OPA3: variants seen among roughly 807,000 people sequenced by gnomAD.
The protein encoded by OPA3 is outer mitochondrial membrane lipid metabolism regulator OPA3.
A neutral mutation model predicts 4.0 loss-of-function variants in OPA3; 6 were observed. The observed-to-expected ratio is 1.51, with a 90% CI of 0.83 to 2.99. The LOEUF is 2.99. Among genes scored for constraint, OPA3 ranks in the 30% most tolerant of loss-of-function variants. The pLI, the probability that OPA3 is intolerant of heterozygous loss-of-function variation, is 0.00. For missense variants in OPA3, 235 were observed against 256.2 expected (o/e 0.92, Z 0.56); for synonymous variants, 105 against 117.1 (o/e 0.90, Z 0.67).
At chr19:45,567,505 G>T (rs976011314) in intron 1 of OPA3, among the ~76,000 whole-genome samples, 4 of 152,036 alleles carry the variant, frequency 2.6e-5, no homozygotes, top group Non-Finnish European at 5.9e-5. Context: ...AAGGAGAGAA[G>T]TCAGATAAGG....
chr19:45,531,408 T>C (rs780708562), intron 1 of OPA3, among the ~76,000 whole-genome samples: 18 of 152,152 alleles, frequency 1.2e-4, no homozygotes, highest in Non-Finnish European at 2.4e-4. Flanking sequence ...CCACAAAAAT[T>C]TACCATGGGA....
downstream of OPA3, among the ~76,000 whole-genome samples, chr19:45,542,105 G>A (rs566396932): frequency 8.5e-5 from 13 of 152,222 alleles, no homozygotes; most frequent in East Asian, 7.7e-4. Flanking sequence ...TCAGGGCACC[G>A]AGTTCTAGGA....
chr19:45,560,850 G>A (rs775225680), intron 1 of OPA3, among the ~76,000 whole-genome samples: 2 of 152,122 alleles, frequency 1.3e-5, no homozygotes, highest in African/African-American at 4.8e-5. Context: ...AGATTTCCCC[G>A]GGAAAGGAGG....
intron 1 of OPA3, among the ~76,000 whole-genome samples, chr19:45,572,418 C>T (rs1490434013): frequency 4.3e-5 from 5 of 115,520 alleles, no homozygotes; most frequent in Admixed American, 2.0e-4. Flanking sequence ...CGATATATAT[C>T]GATATATATC....
At position 45,548,661 on chromosome 19, in the gene OPA3, ATT is replaced by A. The variant is rs144752998; in HGVS notation, c.*4851_*4852del. The A allele has an allele frequency of 8.0e-3, 6,646 of 831,216 alleles. 1 individual carries two copies. Among genetic ancestry groups the A allele is most frequent in the South Asian group, 0.013 (236 of 17,964 alleles). 51.5% of individuals were successfully genotyped at this position (831,216 alleles called of 1,614,324 possible). Reference sequence around the variant, plus strand: ...GTGAGTTTTGTGTTTTATTTTTTTTATTTTTTTTTTTTTTGCGGGAGACGCCC... The same window carrying A: ...GTGAGTTTTGTGTTTTATTTTTTTTATTTTTTTTTTTTGCGGGAGACGCCC... On this transcript the variant is annotated 3_prime_UTR_variant, in exon 2 of 2. Coordinates refer to ENST00000263275, the MANE Select transcript of OPA3 (RefSeq NM_025136.4).
chr19:45,541,398 TACAG>T (rs1276187199), downstream of OPA3, among the ~76,000 whole-genome samples: 3 of 152,086 alleles, frequency 2.0e-5, no homozygotes, highest in African/African-American at 2.4e-5. Context: ...CTTGACTGGA[TACAG>T]AGTCACCCCT....
intron 1 of OPA3, among the ~76,000 whole-genome samples, chr19:45,568,871 G>T (rs374251324): frequency 5.9e-5 from 9 of 152,248 alleles, no homozygotes; most frequent in African/African-American, 2.2e-4. Flanking sequence ...GCACCCCTCT[G>T]TGCCCTGGGG....
chr19:45,528,719 T>TG (rs986673964), exon 2 of OPA3: 1 of 282,384 alleles, frequency 3.5e-6, no homozygotes, highest in African/African-American at 2.2e-5. Flanking sequence ...GTGGACGTCC[T>TG]GCTGGCCTAC....
chr19:45,540,553 CCT>C (rs1969173447), intron 1 of OPA3, among the ~76,000 whole-genome samples: 1 of 135,254 alleles, frequency 7.4e-6, no homozygotes, highest in South Asian at 2.4e-4. Context: ...TGAGTAAGAC[CCT>C]GTCTCAGAAA....
At chr19:45,529,542 AG>A in intron 1 of OPA3, 3 of 1,503,848 alleles carry the variant, frequency 2.0e-6, no homozygotes, top group Non-Finnish European at 2.8e-6. Context: ...TCCCCGTTGT[AG>A]CAATGGGGAT....
chr19:45,570,010 G>A (rs567410636), intron 1 of OPA3, among the ~76,000 whole-genome samples: 1 of 152,174 alleles, frequency 6.6e-6, no homozygotes, highest in African/African-American at 2.4e-5. Context: ...AACTAATACA[G>A]AGATACACCG....
rs888226617 is a variant in OPA3 at position 45,551,035 on chromosome 19, G to A, written c.*2479C>T. ...GAGTGTAGTGGCGCGATCACGGCTC[G>A]CTGCAGCCTCGACCTCCAGGGCTCA... On this transcript the variant is annotated 3_prime_UTR_variant, in exon 2 of 2. Transcript: ENST00000263275. 41 of 840,112 alleles carry A rather than the reference G, an allele frequency of 4.9e-5. No homozygotes were observed. Among genetic ancestry groups the A allele is most frequent in the Non-Finnish European group, 5.7e-5 (40 of 697,698 alleles). 52.0% of individuals were successfully genotyped at this position (840,112 alleles called of 1,614,324 possible).
intron 1 of OPA3, among the ~76,000 whole-genome samples, chr19:45,568,544 T>C (rs1969615922): frequency 6.6e-6 from 1 of 152,106 alleles, no homozygotes. Context: ...TTAACAGAAT[T>C]GTGCAGGCCG....
chr19:45,544,999 A>G (rs527760617), downstream of OPA3, among the ~76,000 whole-genome samples: 295 of 147,876 alleles, frequency 2.0e-3, no homozygotes, highest in African/African-American at 6.8e-3. Context: ...AACAAAAACA[A>G]AAACAAAAAA....
Position 45,580,203 on chromosome 19 carries a change from G to A in OPA3, c.142+4420C>T, listed in dbSNP as rs574289573. 1.8e-3 allele frequency among the ~76,000 whole-genome samples: 273 copies of A among 150,602 alleles called. 5 individuals are homozygous for A. Among genetic ancestry groups the A allele is most frequent in the African/African-American group, 6.4e-3 (264 of 40,978 alleles). ...GTAGAGAAGGGGTTTCACCATGTTGGTCAGGCAGGTCTTGAAATTTGACTT... is the reference window on the plus strand; with the variant it reads ...GTAGAGAAGGGGTTTCACCATGTTGATCAGGCAGGTCTTGAAATTTGACTT... On this transcript the variant is annotated intron_variant, in intron 1 of 1. Coordinates refer to ENST00000263275, the MANE Select transcript of OPA3 (RefSeq NM_025136.4).
In OPA3 at chr19:45,549,754, A is replaced by G. The variant is rs534214560; in HGVS notation, c.*3760T>C. 59 of 985,330 alleles carry G rather than the reference A, an allele frequency of 6.0e-5. No individual in the cohort carries two copies. The African/African-American group carries it at 9.6e-4, about 16-fold the overall frequency. The allele number at this position is 985,330 out of a possible 1,614,324, so 61.0% of individuals were successfully genotyped here. A position where few individuals can be genotyped will look rare whatever the true frequency, so the allele number is the denominator to read the frequency against. ...CTTGGCCTCTCAAAGTGCTGGGATG[A>G]CAGGCGTGAGCTGGCCTGGGTCACT... On this transcript the variant is annotated 3_prime_UTR_variant, in exon 2 of 2. Coordinates refer to ENST00000263275, the MANE Select transcript of OPA3 (RefSeq NM_025136.4).
At position 45,546,405 on chromosome 19, in the gene OPA3, TTG is replaced by T. The variant is rs1012645898; in HGVS notation, c.*7107_*7108del. 115 of 591,868 alleles carry T rather than the reference TTG, an allele frequency of 1.9e-4. No homozygotes were observed. In the African/African-American group the frequency reaches 2.0e-3, roughly 10 times the overall value. The allele number at this position is 591,868 out of a possible 1,614,324, so 36.7% of individuals were successfully genotyped here. On this transcript the variant is annotated 3_prime_UTR_variant, in exon 2 of 2. Transcript: ENST00000263275. The stretch of plus-strand genomic sequence containing the variant: ...TATATATTTTATATTCCATTATATA[TTG>T]TGTCACATAATATATGAATTATACA...
At position 45,549,227 on chromosome 19, in the gene OPA3, A is replaced by C; in HGVS notation, c.*4287T>G. On this transcript the variant is annotated 3_prime_UTR_variant, in exon 2 of 2. Transcript: ENST00000263275. The stretch of plus-strand genomic sequence containing the variant: ...TACACAGAATTCTAGCTAGCAGAAC[A>C]CACGAGCAGTGAACCATCCTCTGGC... 1 of 985,418 alleles carries C rather than the reference A, an allele frequency of 1.0e-6. No individual in the cohort carries two copies. The highest frequency in any genetic ancestry group is 1.2e-6 in the Non-Finnish European group (1 of 829,946). The allele number at this position is 985,418 out of a possible 1,614,324, so 61.0% of individuals were successfully genotyped here. A position where few individuals can be genotyped will look rare whatever the true frequency, so the allele number is the denominator to read the frequency against.
chr19:45,538,527 G>A (rs987535490), intron 1 of OPA3, among the ~76,000 whole-genome samples: 32 of 151,978 alleles, frequency 2.1e-4, no homozygotes, highest in African/African-American at 7.5e-4. Flanking sequence ...TCGAGACCAG[G>A]CTGGCCAACA....
Sources: allele counts gnomAD v4.1 joint callset (sites outside exome capture counted in the v4.1 genomes callset), GRCh38; gene constraint gnomAD v4.1.1; transcripts MANE v1.5; gene names NCBI Gene and HGNC (gene_info 2026-07-23, HGNC 2026-07-21).